Variants in INVS observed in about 807,000 individuals in gnomAD.
INVS encodes the protein inversion of embryo turning homolog.
INVS carries 86 observed loss-of-function variants against 108.8 expected under a neutral mutation model. The ratio of observed to expected loss-of-function variants is 0.79; its 90% confidence interval spans 0.66 to 0.95. The LOEUF is 0.95. INVS is among the 40% of genes least tolerant of loss of function. The pLI is 0.00. For missense variants in INVS, 1,169 were observed against 1,297.4 expected (o/e 0.90, Z 1.52); for synonymous variants, 455 against 473.5 (o/e 0.96, Z 0.51).
intron 3 of INVS, among the ~76,000 whole-genome samples, chr9:100,174,356 A>G (rs1436656772): frequency 6.6e-6 from 1 of 152,132 alleles, no homozygotes; most frequent in East Asian, 1.9e-4. Context: ...TTGGAGATGA[A>G]GAGTCAGTGA....
chr9:100,158,738 T>C (rs746307290), intron 3 of INVS, among the ~76,000 whole-genome samples: 11 of 152,220 alleles, frequency 7.2e-5, no homozygotes, highest in Non-Finnish European at 1.2e-4. Context: ...GTTTGAATAT[T>C]TGTCCCCTCC....
intron 8 of INVS, among the ~76,000 whole-genome samples, chr9:100,249,426 TTAAG>T (rs1046570888): frequency 5.2e-4 from 79 of 152,298 alleles, no homozygotes; most frequent in African/African-American, 1.9e-3. Context: ...AAAATTTCAA[TTAAG>T]TAAAAGATAA....
chr9:100,151,628 G>A (rs914096536), intron 3 of INVS, among the ~76,000 whole-genome samples: 1 of 152,168 alleles, frequency 6.6e-6, no homozygotes, highest in African/African-American at 2.4e-5. Context: ...ATGAGATGAG[G>A]AGGGTTTGAG....
intron 13 of INVS, among the ~76,000 whole-genome samples, chr9:100,289,414 T>TA (rs753412713): frequency 6.6e-6 from 1 of 152,250 alleles, no homozygotes; most frequent in Non-Finnish European, 1.5e-5. Context: ...CTTTTATAGA[T>TA]ATAAATATCT....
intron 3 of INVS, among the ~76,000 whole-genome samples, chr9:100,190,527 C>T (rs1391776041): frequency 6.6e-6 from 1 of 152,060 alleles, no homozygotes; most frequent in African/African-American, 2.4e-5. Context: ...ATTTAGAGCT[C>T]CTTTTAGTAT....
At chr9:100,297,183 AC>A in intron 15 of INVS, 37 bp downstream of exon 15, 1 of 1,510,312 alleles carries the variant, frequency 6.6e-7, no homozygotes, top group Non-Finnish European at 9.2e-7. Context: ...GTTCACAAGT[AC>A]CCCCAGAGTA....
chr9:100,288,881 C>T (rs1833528970), intron 13 of INVS, among the ~76,000 whole-genome samples: 1 of 152,180 alleles, frequency 6.6e-6, no homozygotes, highest in Non-Finnish European at 1.5e-5. Context: ...CTGCCTTGGC[C>T]TCCCAAAGGG....
intron 5 of INVS, among the ~76,000 whole-genome samples, chr9:100,239,367 G>A (rs1019191415): frequency 1.5e-4 from 23 of 152,106 alleles, no homozygotes; most frequent in African/African-American, 4.1e-4. Flanking sequence ...ATACATGTCC[G>A]TTGCCATAAT....
At chr9:100,228,411 TATTTA>T (rs920325478) in intron 4 of INVS, among the ~76,000 whole-genome samples, 34 of 152,376 alleles carry the variant, frequency 2.2e-4, no homozygotes, top group African/African-American at 7.0e-4. Context: ...TCTAAAATTA[TATTTA>T]AATTAAAATT....
chr9:100,262,089 A>G (rs1045576030), intron 10 of INVS, among the ~76,000 whole-genome samples: 27 of 151,304 alleles, frequency 1.8e-4, no homozygotes, highest in Admixed American at 4.6e-4. Flanking sequence ...TAAGCCCCAT[A>G]TATATTATGT....
At chr9:100,113,696 A>G (rs1037140063) in intron 2 of INVS, among the ~76,000 whole-genome samples, 1 of 152,140 alleles carries the variant, frequency 6.6e-6, no homozygotes, top group Non-Finnish European at 1.5e-5. Flanking sequence ...GATATTTAGC[A>G]TATGCATTAA....
At chr9:100,204,835 G>A (rs1006812658) in intron 3 of INVS, among the ~76,000 whole-genome samples, 4 of 151,892 alleles carry the variant, frequency 2.6e-5, no homozygotes, top group Middle Eastern at 3.4e-3. Flanking sequence ...ACTCCATTTT[G>A]GCATGATATT....
intron 3 of INVS, among the ~76,000 whole-genome samples, chr9:100,174,635 C>T (rs1294011157): frequency 1.3e-5 from 2 of 152,076 alleles, no homozygotes; most frequent in East Asian, 3.9e-4. Flanking sequence ...AAATCTTGGC[C>T]AGGCATGGTA....
intron 3 of INVS, among the ~76,000 whole-genome samples, chr9:100,206,655 C>G (rs1490278468): frequency 6.6e-6 from 1 of 152,000 alleles, no homozygotes; most frequent in African/African-American, 2.4e-5. Flanking sequence ...TTATCACAAT[C>G]AGGCAGTTAA....
chr9:100,130,958 C>A (rs1828038664), intron 3 of INVS: 1 of 152,098 alleles, frequency 6.6e-6, no homozygotes, highest in African/African-American at 2.4e-5. Context: ...TTATTATTGA[C>A]ATGAGAAGAC....
In INVS at chr9:100,100,968, ATATAT is replaced by A. The variant is rs1309987080; in HGVS notation, c.-25+1558_-25+1562del. 7.1e-5 allele frequency among the ~76,000 whole-genome samples: 5 copies of A among 70,568 alleles called. 1 individual carries two copies. Among genetic ancestry groups the A allele is most frequent in the African/African-American group, 3.8e-4 (5 of 13,182 alleles). 46.3% of individuals were successfully genotyped at this position (70,568 alleles called of 152,430 possible). On this transcript the variant is annotated intron_variant, in intron 1 of 16. Coordinates refer to ENST00000262457, the MANE Select transcript of INVS (RefSeq NM_014425.5). ...TATACATATATATTATATATATAAT[ATATAT>A]TATATATATAATATATATGTATATA...
intron 16 of INVS, chr9:100,298,219 A>C: frequency 1.4e-6 from 2 of 1,463,718 alleles, no homozygotes; most frequent in Non-Finnish European, 1.8e-6. Context: ...TGTTAACATT[A>C]ACTCCAACAG....
At chr9:100,245,658 A>G (rs1387571970) in intron 7 of INVS, among the ~76,000 whole-genome samples, 1 of 152,246 alleles carries the variant, frequency 6.6e-6, no homozygotes, top group Non-Finnish European at 1.5e-5. Context: ...ATTTGTTTTA[A>G]TGAATTCAGC....
chr9:100,192,248 A>AGTGTGTGTGTGTGTGT (rs58132596), intron 3 of INVS, among the ~76,000 whole-genome samples: 1 of 144,916 alleles, frequency 6.9e-6, no homozygotes, highest in African/African-American at 2.6e-5. Context: ...GGGAAAAAAG[A>AGTGTGTGTGTGTGTGT]GTGTGTGTGT....
Sources: allele counts gnomAD v4.1 joint callset (sites outside exome capture counted in the v4.1 genomes callset), GRCh38; gene constraint gnomAD v4.1.1; transcripts MANE v1.5; gene names NCBI Gene and HGNC (gene_info 2026-07-23, HGNC 2026-07-21).